H1-8: variants seen among roughly 807,000 people sequenced by gnomAD.
H1-8 encodes the protein H1.8 linker histone.
H1-8 carries 13 observed loss-of-function variants against 19.5 expected under a neutral mutation model. That is an observed-to-expected ratio of 0.67 (90% CI 0.43 to 1.06). H1-8 has a LOEUF of 1.06. Among genes scored for constraint, H1-8 ranks in the 50% least tolerant of loss-of-function variants. The pLI, the probability that H1-8 is intolerant of heterozygous loss-of-function variation, is 0.00. For missense variants in H1-8, 432 were observed against 459.8 expected (o/e 0.94, Z 0.55); for synonymous variants, 193 against 187.6 (o/e 1.03, Z -0.24).
Position 129,549,184 on chromosome 3 carries a change from C to T in H1-8, c.562C>T (p.Pro188Ser). 2 of 1,565,312 alleles carry T rather than the reference C, an allele frequency of 1.3e-6. No individual in the cohort carries two copies. The highest frequency in any genetic ancestry group is 1.2e-5 in the South Asian group (1 of 85,910). The change falls in exon 3 of 5, where the codon CCC becomes TCC. Residue 188 changes from proline to serine, a missense_variant. Coordinates refer to ENST00000324382, the MANE Select transcript of H1-8 (RefSeq NM_153833.3). ...GCCAGCAAAGGTGCAGAAGCCTCCT[C>T]CCAAGCCAGGCGCAGCCACAGAGAA... ...KRPAKVQKPP[P>S]KPGAATEKAR...
chr3:129,544,264 C>A (rs967733886), intron 1 of H1-8, among the ~76,000 whole-genome samples: 1 of 151,986 alleles, frequency 6.6e-6, no homozygotes, highest in South Asian at 2.1e-4. Context: ...GCCTCCAAGG[C>A]GGTCTTCAGT....
In H1-8 at chr3:129,551,178, G is replaced by A; in HGVS notation, c.879G>A (p.Gln293=). 1 of 1,614,266 alleles carries A rather than the reference G, an allele frequency of 6.2e-7. No homozygotes were observed. Among genetic ancestry groups the A allele is most frequent in the Non-Finnish European group, 8.5e-7 (1 of 1,180,040 alleles). ...AGGCCAAGGCCCCTAAAGCTGGGCA[G>A]GGGCCAAACACCAAGGCTGCTGCTC... is the stretch of plus-strand genomic sequence containing the variant. ...VAKAKAPKAG[Q]GPNTKAAAPA... Residue 293 remains glutamine (Q), a synonymous_variant, in exon 5 of 5, where the codon CAG becomes CAA. Transcript: ENST00000324382.
At chr3:129,549,557 AGG>A (rs1327330280) in intron 3 of H1-8, among the ~76,000 whole-genome samples, 193 bp downstream of exon 3, 1 of 151,534 alleles carries the variant, frequency 6.6e-6, no homozygotes, top group Non-Finnish European at 1.5e-5. Flanking sequence ...AGGGTTATGA[AGG>A]GGGAAGCAGA....
intron 1 of H1-8, among the ~76,000 whole-genome samples, chr3:129,546,927 C>T (rs908139562): frequency 1.3e-5 from 2 of 152,190 alleles, no homozygotes; most frequent in Non-Finnish European, 2.9e-5. Context: ...TGGCTGGGCA[C>T]GGTGGCTCAA....
intron 2 of H1-8, chr3:129,548,394 G>A (rs939934986): frequency 6.4e-5 from 63 of 986,650 alleles, no homozygotes; most frequent in Non-Finnish European, 7.6e-5. Context: ...TTGCGTCACA[G>A]CAGGACCAGG....
At chr3:129,548,938 G>A in intron 2 of H1-8, 63 bp from the exon 3 acceptor site, 3 of 1,531,760 alleles carry the variant, frequency 2.0e-6, no homozygotes. Flanking sequence ...GAGTCTTACG[G>A]GGGGTGGGGG....
At position 129,543,302 on chromosome 3, in the gene H1-8, G is replaced by T. The variant is rs145321217; in HGVS notation, c.84G>T (p.Lys28Asn). 1.2e-6 allele frequency: 2 copies of T among 1,611,972 alleles called. No individual in the cohort carries two copies. The highest frequency in any genetic ancestry group is 3.3e-5 in the Admixed American group (2 of 59,902). ...AGSSRSPESEKPGPSHGGVPP... is the reference protein window; with the variant it reads ...AGSSRSPESENPGPSHGGVPP... ...CATCCAGGTCTCCTGAATCTGAAAAGCCAGGTGAGCAAGAGGAGGCAGCTC... is the reference window on the plus strand; with the variant it reads ...CATCCAGGTCTCCTGAATCTGAAAATCCAGGTGAGCAAGAGGAGGCAGCTC... Residue 28 changes from lysine to asparagine, a missense_variant, in exon 1 of 5, where the codon AAG becomes AAT. Lys to Asn is a moderately conservative substitution (Grantham distance 94, BLOSUM62 0). Transcript: ENST00000324382.
Position 129,543,425 on chromosome 3 carries a change from C to CCACCCAGCACT in H1-8, c.88+141_88+151dup, listed in dbSNP as rs879757557. 8.1e-3 allele frequency: 5,374 copies of CCACCCAGCACT among 663,180 alleles called. 47 individuals are homozygous for CCACCCAGCACT. Among genetic ancestry groups the CCACCCAGCACT allele is most frequent in the Non-Finnish European group, 0.011 (4,099 of 378,906 alleles). The allele number at this position is 663,180 out of a possible 1,614,324, so 41.1% of individuals were successfully genotyped here. A position where few individuals can be genotyped will look rare whatever the true frequency, so the allele number is the denominator to read the frequency against. ...CCTGGCCCCAGCACCTACCCAGCAC[C>CCACCCAGCACT]CACCCAGCACTCACCCAGCACTCAC... On this transcript the variant is annotated intron_variant, in intron 1 of 4. Coordinates refer to ENST00000324382, the MANE Select transcript of H1-8 (RefSeq NM_153833.3).
intron 2 of H1-8, among the ~76,000 whole-genome samples, chr3:129,548,164 C>T (rs2084904407): frequency 6.6e-6 from 1 of 152,224 alleles, no homozygotes; most frequent in Non-Finnish European, 1.5e-5. Context: ...TCATCAGCCA[C>T]CAGGAATACC....
intron 3 of H1-8, 148 bp downstream of exon 3, chr3:129,549,512 T>C (rs1030779185): frequency 1.6e-5 from 15 of 939,940 alleles, no homozygotes; most frequent in Non-Finnish European, 2.3e-5. Flanking sequence ...AGAGAACTCA[T>C]GGTAGCTGGT....
chr3:129,548,942 G>A (rs1387610595), intron 2 of H1-8, 59 bp from the exon 3 acceptor site: 2 of 1,535,532 alleles, frequency 1.3e-6, no homozygotes, highest in Admixed American at 2.1e-5. Context: ...CTTACGGGGG[G>A]TGGGGGGCGT....
chr3:129,547,510 C>G lies in H1-8; in HGVS notation c.208C>G (p.Arg70Gly), dbSNP rs575985355. ...GGCGCTGCAGGCTGGGGAGCAGCGC[C>G]GGGGCACGTCGGTGGCAGCTATCAA... ...LEALQAGEQR[R>G]GTSVAAIKLY... The change falls in exon 2 of 5, where the codon CGG (arginine) becomes GGG (glycine). Residue 70 changes from arginine to glycine, a missense_variant. Transcript: ENST00000324382. 1.3e-6 allele frequency: 2 copies of G among 1,569,848 alleles called. No individual in the cohort carries two copies. The highest frequency in any genetic ancestry group is 2.3e-5 in the South Asian group (2 of 85,616).
chr3:129,549,279 C>A lies in H1-8; in HGVS notation c.657C>A (p.Pro219=). 1 of 1,581,882 alleles carries A rather than the reference C, an allele frequency of 6.3e-7. No homozygotes were observed. Among genetic ancestry groups the A allele is most frequent in the South Asian group, 1.2e-5 (1 of 86,742 alleles). The change falls in exon 3 of 5, where the codon CCC becomes CCA. Residue 219 remains proline, a synonymous_variant. Coordinates refer to ENST00000324382, the MANE Select transcript of H1-8 (RefSeq NM_153833.3). The part of the protein sequence containing the change: ...AQSGEARKVP[P]KPDKAMRAPS... Reference sequence around the variant, plus strand: ...CGGGAGAGGCTAGGAAGGTGCCCCCCAAGCCAGACAAGGCCATGCGGGCAC... The same window carrying A: ...CGGGAGAGGCTAGGAAGGTGCCCCCAAAGCCAGACAAGGCCATGCGGGCAC...
chr3:129,546,232 G>A (rs1330550662), intron 1 of H1-8, among the ~76,000 whole-genome samples: 1 of 152,088 alleles, frequency 6.6e-6, no homozygotes, highest in Non-Finnish European at 1.5e-5. Flanking sequence ...ACTGAGGCAA[G>A]AGGATCACTT....
Position 129,549,130 on chromosome 3 carries a change from G to A in H1-8, c.508G>A (p.Val170Met), listed in dbSNP as rs143491384. The A allele has an allele frequency of 5.8e-5, 92 of 1,579,830 alleles. No homozygotes were observed. The highest frequency in any genetic ancestry group is 7.3e-5 in the Non-Finnish European group (85 of 1,161,998). The change falls in exon 3 of 5, where the codon GTG becomes ATG. Residue 170 changes from valine (V) to methionine (M), a missense_variant. By Grantham distance (21) the Val-to-Met change is conservative (BLOSUM62 1). Coordinates refer to ENST00000324382, the MANE Select transcript of H1-8 (RefSeq NM_153833.3). ...PSEAKEDPPN[V>M]GKVKKAAKRP... ...TGAGGCCAAGGAGGACCCTCCCAAC[G>A]TGGGCAAGGTGAAAAAGGCAGCCAA...
intron 4 of H1-8, 75 bp from the exon 5 acceptor site, chr3:129,551,032 G>A (rs2084928547): frequency 2.2e-6 from 3 of 1,351,154 alleles, no homozygotes; most frequent in South Asian, 2.6e-5. Flanking sequence ...GCGATGTTGT[G>A]TACCCAGAGC....
intron 3 of H1-8, among the ~76,000 whole-genome samples, chr3:129,549,960 A>C (rs1009767025): frequency 1.1e-4 from 16 of 152,102 alleles, no homozygotes; most frequent in African/African-American, 3.4e-4. Context: ...TCTCAAAACA[A>C]AACACAAAAA....
At position 129,549,007 on chromosome 3, in the gene H1-8, C is replaced by T. The variant is rs2084911359; in HGVS notation, c.385C>T (p.Pro129Ser). The change falls in exon 3 of 5, where the codon CCC (proline) becomes TCC (serine). Residue 129 changes from proline to serine, a missense_variant. Coordinates refer to ENST00000324382, the MANE Select transcript of H1-8 (RefSeq NM_153833.3). Reference sequence around the variant, plus strand: ...ACCCCGTGTCCTTCTCCAGTTAGTTCCCAAGCACAAGAAGAAAATCCAGCC... The same window carrying T: ...ACCCCGTGTCCTTCTCCAGTTAGTTTCCAAGCACAAGAAGAAAATCCAGCC... ...RGATGSFKLV[P>S]KHKKKIQPRK... The T allele has an allele frequency of 1.2e-6, 2 of 1,606,112 alleles. No individual in the cohort carries two copies. The highest frequency in any genetic ancestry group is 3.4e-5 in the Admixed American group (2 of 58,382).
chr3:129,548,968 C>T, intron 2 of H1-8, 33 bp from the exon 3 acceptor site: 2 of 1,560,160 alleles, frequency 1.3e-6, no homozygotes, highest in Non-Finnish European at 1.7e-6. Context: ...ACCTGAGGCT[C>T]TGCTTTCAGC....
Sources: allele counts gnomAD v4.1 joint callset (sites outside exome capture counted in the v4.1 genomes callset), GRCh38; gene constraint gnomAD v4.1.1; transcripts MANE v1.5; gene names NCBI Gene and HGNC (gene_info 2026-07-23, HGNC 2026-07-21).